The following RALGPS1 variants were observed in gnomAD, a reference collection of about 807,000 sequenced individuals.
RALGPS1 encodes ras-specific guanine nucleotide-releasing factor RalGPS1.
A neutral mutation model predicts 78.8 loss-of-function variants in RALGPS1; 19 were observed. That is an observed-to-expected ratio of 0.24 (90% confidence interval 0.17 to 0.35). The LOEUF (loss-of-function observed/expected upper bound fraction) is 0.35, where lower values mean the gene tolerates loss of function less well. Ranked by LOEUF, RALGPS1 falls within the 10% of genes least tolerant of loss-of-function variation. The pLI is 1.00. For synonymous variants in RALGPS1, 228 were observed against 256.3 expected (o/e 0.89, Z 1.06); for missense variants, 454 against 688.3 (o/e 0.66, Z 3.81).
At position 127,124,734 on chromosome 9, in the gene RALGPS1, A is replaced by C. The variant is rs138666590; in HGVS notation, c.611-41335A>C. On this transcript the variant is annotated intron_variant, in intron 8 of 18. Transcript: ENST00000259351. ...AGAGGTGGAACTTTATTCCAAAGAC[A>C]GTAAGGAGCCACTGAAAGGTTTTGA... 2.6e-5 allele frequency among the ~76,000 whole-genome samples: 4 copies of C among 152,326 alleles called. No homozygotes were observed. In the East Asian group the frequency reaches 5.8e-4, roughly 22 times the overall value.
chr9:126,949,418 T>C (rs867629246), intron 1 of RALGPS1, among the ~76,000 whole-genome samples: 1,532 of 150,070 alleles, frequency 0.01, 18 homozygotes, highest in Middle Eastern at 0.021. Context: ...AACTAGTTTA[T>C]AGTCCCACCA....
chr9:127,172,154 T>G (rs2059597450), intron 10 of RALGPS1, among the ~76,000 whole-genome samples: 1 of 152,116 alleles, frequency 6.6e-6, no homozygotes. Context: ...ACCAGAAAAA[T>G]AAAAGTGCTC....
chr9:127,152,691 T>C (rs2139126272), intron 8 of RALGPS1, among the ~76,000 whole-genome samples: 1 of 152,340 alleles, frequency 6.6e-6, no homozygotes, highest in Non-Finnish European at 1.5e-5. Context: ...ACTAAGGCTG[T>C]CTGTCCATAA....
intron 11 of RALGPS1, among the ~76,000 whole-genome samples, chr9:127,179,614 G>C (rs936947384): frequency 6.6e-6 from 1 of 152,214 alleles, no homozygotes; most frequent in Admixed American, 6.5e-5. Flanking sequence ...AAGACTTCCA[G>C]GCCAAGGACT....
At chr9:127,158,339 C>A (rs2058819426) in intron 8 of RALGPS1, among the ~76,000 whole-genome samples, 1 of 152,022 alleles carries the variant, frequency 6.6e-6, no homozygotes, top group Non-Finnish European at 1.5e-5. Flanking sequence ...ATATTTTTCT[C>A]TTTATTAGTA....
chr9:127,050,196 ATATGTT>A, intron 6 of RALGPS1, 64 bp downstream of exon 6: 1 of 1,303,318 alleles, frequency 7.7e-7, no homozygotes, highest in African/African-American at 1.5e-5. Flanking sequence ...CTCCCCAAAA[ATATGTT>A]TCCTCAGTAC....
At chr9:127,093,764 A>C (rs1363098543) in intron 8 of RALGPS1, 2 of 1,613,806 alleles carry the variant, frequency 1.2e-6, no homozygotes, top group African/African-American at 1.3e-5. Flanking sequence ...GAAGAAGTTA[A>C]CAGAGCCATC....
chr9:127,167,269 G>A (rs2059340094), intron 9 of RALGPS1, among the ~76,000 whole-genome samples: 1 of 152,220 alleles, frequency 6.6e-6, no homozygotes, highest in Admixed American at 6.5e-5. Context: ...TCCCCAGGCA[G>A]GGTGGGGGTT....
At chr9:127,049,270 C>G (rs915496646) in intron 5 of RALGPS1, among the ~76,000 whole-genome samples, 7 of 152,178 alleles carry the variant, frequency 4.6e-5, no homozygotes, top group Admixed American at 4.6e-4. Flanking sequence ...GCATGAGTCT[C>G]TTCCGTTGCA....
chr9:127,070,278 C>T (rs1313734176), intron 8 of RALGPS1, among the ~76,000 whole-genome samples: 1 of 152,214 alleles, frequency 6.6e-6, no homozygotes, highest in Admixed American at 6.5e-5. Context: ...CATCGCTCAC[C>T]TCTTGCTGTA....
intron 17 of RALGPS1, among the ~76,000 whole-genome samples, chr9:127,213,605 A>G (rs772650181): frequency 6.6e-6 from 1 of 152,236 alleles, no homozygotes; most frequent in Non-Finnish European, 1.5e-5. Flanking sequence ...CTTCACTGAC[A>G]TTCAGAACAG....
chr9:127,196,671 G>C (rs142666753), intron 13 of RALGPS1, 40 bp downstream of exon 13: 2 of 1,536,626 alleles, frequency 1.3e-6, no homozygotes, highest in East Asian at 2.3e-5. Context: ...CTGGTGGGCT[G>C]TAGGCCCAGC....
chr9:127,194,439 G>A (rs1232406993), intron 11 of RALGPS1, among the ~76,000 whole-genome samples: 1 of 152,168 alleles, frequency 6.6e-6, no homozygotes, highest in African/African-American at 2.4e-5. Flanking sequence ...TGGGGACGGA[G>A]TCTCACTCTG....
intron 4 of RALGPS1, among the ~76,000 whole-genome samples, chr9:127,032,730 C>G (rs2134588109): frequency 6.6e-6 from 1 of 152,268 alleles, no homozygotes; most frequent in African/African-American, 2.4e-5. Flanking sequence ...TGGCTCATGC[C>G]TGTAATCCCA....
At chr9:127,084,208 C>T (rs2051455718) in intron 8 of RALGPS1, among the ~76,000 whole-genome samples, 1 of 152,152 alleles carries the variant, frequency 6.6e-6, no homozygotes, top group African/African-American at 2.4e-5. Flanking sequence ...AGGCGTGAGC[C>T]ACAGCACCTG....
At position 127,050,091 on chromosome 9, in the gene RALGPS1, A is replaced by T; in HGVS notation, c.349A>T (p.Ile117Leu). The T allele has an allele frequency of 6.2e-6, 10 of 1,614,110 alleles. No individual in the cohort carries two copies. The highest frequency in any genetic ancestry group is 8.5e-6 in the Non-Finnish European group (10 of 1,179,922). ...AATTCTAACAGCACAGACTTTAAAA[A>T]TAAGGGCAGAAATCCTCAGCCATTT... The part of the protein sequence containing the change: ...REILTAQTLK[I>L]RAEILSHFVK... The change falls in exon 6 of 19, where the codon ATA becomes TTA. Residue 117 changes from isoleucine (I) to leucine (L), a missense_variant. Transcript: ENST00000259351.
intron 1 of RALGPS1, among the ~76,000 whole-genome samples, chr9:126,932,704 T>A (rs1419445316): frequency 6.6e-6 from 1 of 152,190 alleles, no homozygotes; most frequent in African/African-American, 2.4e-5. Flanking sequence ...TAAAACAAAA[T>A]GTTATAAAAC....
rs753414034 is a variant in RALGPS1, at chr9:127,016,326, G to A, written c.217-18105G>A. On this transcript the variant is annotated intron_variant, in intron 4 of 18. Coordinates refer to ENST00000259351, the MANE Select transcript of RALGPS1 (RefSeq NM_014636.3). ...CTTAATAACGTTTTTATGTAATGCC[G>A]GTTATATGGCCCCTGCTTCTCTTAG... is the stretch of plus-strand genomic sequence containing the variant. Among the ~76,000 whole-genome samples the A allele has an allele frequency of 3.4e-4, 51 of 152,148 alleles. 1 individual carries two copies. Among genetic ancestry groups the A allele is most frequent in the Admixed American group, 2.9e-3 (44 of 15,262 alleles).
At chr9:127,099,719 C>T (rs923349960) in intron 8 of RALGPS1, among the ~76,000 whole-genome samples, 22 of 152,198 alleles carry the variant, frequency 1.4e-4, no homozygotes, top group African/African-American at 2.2e-4. Flanking sequence ...TGCTTTTCAG[C>T]GAACCAGAGT....
Sources: allele counts gnomAD v4.1 joint callset (sites outside exome capture counted in the v4.1 genomes callset), GRCh38; gene constraint gnomAD v4.1.1; transcripts MANE v1.5; gene names NCBI Gene and HGNC (gene_info 2026-07-23, HGNC 2026-07-21).